LRFN5: variants seen among roughly 807,000 people sequenced by gnomAD.
The protein encoded by LRFN5 is leucine-rich repeat and fibronectin type-III domain-containing protein 5.
LRFN5 carries 24 observed loss-of-function variants against 45.6 expected under a neutral mutation model. That is an observed-to-expected ratio of 0.53 (90% confidence interval 0.38 to 0.74). The LOEUF (loss-of-function observed/expected upper bound fraction) is 0.74. LRFN5 is among the 30% of genes least tolerant of loss of function. The pLI is 0.00. For missense variants in LRFN5, 776 were observed against 861.5 expected (o/e 0.90, Z 1.24); for synonymous variants, 340 against 313.8 (o/e 1.08, Z -0.88).
At chr14:41,674,151 G>T (rs1381393358) in intron 1 of LRFN5, among the ~76,000 whole-genome samples, 2 of 141,822 alleles carry the variant, frequency 1.4e-5, no homozygotes, top group African/African-American at 5.3e-5. Context: ...AGGGGCGGCC[G>T]GGCAGAGGCG....
At chr14:41,624,695 G>T (rs1468920871) in intron 1 of LRFN5, among the ~76,000 whole-genome samples, 2 of 152,060 alleles carry the variant, frequency 1.3e-5, no homozygotes, top group East Asian at 3.9e-4. Context: ...AACCTTAATT[G>T]AAGTGCAGAA....
chr14:41,798,909 A>G (rs1011501571), intron 2 of LRFN5, among the ~76,000 whole-genome samples: 7 of 151,838 alleles, frequency 4.6e-5, no homozygotes, highest in African/African-American at 1.7e-4. Context: ...ATATTAATTT[A>G]TCTCTCTGTA....
intron 2 of LRFN5, among the ~76,000 whole-genome samples, chr14:41,844,292 C>T (rs1203682688): frequency 6.6e-6 from 1 of 151,840 alleles, no homozygotes; most frequent in African/African-American, 2.4e-5. Context: ...AAAAAATTAG[C>T]CAGGCGTGGT....
chr14:41,718,767 A>G (rs899816087), intron 1 of LRFN5, among the ~76,000 whole-genome samples: 3 of 152,214 alleles, frequency 2.0e-5, no homozygotes, highest in Admixed American at 1.3e-4. Context: ...CTTATTAGCC[A>G]TTGGCTCAGA....
At chr14:41,755,890 G>T (rs1223188065) in intron 1 of LRFN5, among the ~76,000 whole-genome samples, 3 of 152,162 alleles carry the variant, frequency 2.0e-5, no homozygotes, top group African/African-American at 4.8e-5. Context: ...GCATGATTTT[G>T]CAGTGGCTGG....
chr14:41,895,084 C>A, intron 4 of LRFN5: 4 of 979,798 alleles, frequency 4.1e-6, no homozygotes, highest in Non-Finnish European at 4.8e-6. Flanking sequence ...TCCTGTTATG[C>A]ATGTATTAAC....
chr14:41,822,295 T>C (rs539274909), intron 2 of LRFN5, among the ~76,000 whole-genome samples: 1 of 152,168 alleles, frequency 6.6e-6, no homozygotes, highest in East Asian at 1.9e-4. Flanking sequence ...TAGGCATTTA[T>C]TACTATAAAC....
At chr14:41,707,169 T>G (rs564396993) in intron 1 of LRFN5, among the ~76,000 whole-genome samples, 2 of 152,344 alleles carry the variant, frequency 1.3e-5, no homozygotes, top group South Asian at 4.1e-4. Flanking sequence ...GAAGAAGGCC[T>G]GCCTTAAATG....
chr14:41,661,210 T>A (rs1428781392), intron 1 of LRFN5, among the ~76,000 whole-genome samples: 1 of 151,896 alleles, frequency 6.6e-6, no homozygotes, highest in Non-Finnish European at 1.5e-5. Flanking sequence ...TATTGAAATA[T>A]TTATTCATGA....
intron 1 of LRFN5, among the ~76,000 whole-genome samples, chr14:41,685,364 G>A (rs1566620507): frequency 2.0e-5 from 3 of 152,058 alleles, no homozygotes; most frequent in South Asian, 2.1e-4. Context: ...TTATTGAAGC[G>A]CTGTTCACAA....
chr14:41,857,887 GAT>G (rs1230639022), intron 2 of LRFN5, among the ~76,000 whole-genome samples: 1 of 152,188 alleles, frequency 6.6e-6, no homozygotes, highest in Non-Finnish European at 1.5e-5. Flanking sequence ...AGAGAAAAGA[GAT>G]AGTTCCATTG....
At chr14:41,612,675 A>G (rs1411917032) in intron 1 of LRFN5, among the ~76,000 whole-genome samples, 3 of 152,056 alleles carry the variant, frequency 2.0e-5, no homozygotes, top group East Asian at 1.9e-4. Flanking sequence ...GCATCCTTCA[A>G]TCATTGAGGA....
At chr14:41,848,928 A>AT (rs140753274) in intron 2 of LRFN5, among the ~76,000 whole-genome samples, 2,093 of 151,988 alleles carry the variant, frequency 0.014, 45 homozygotes, top group African/African-American at 0.047. Context: ...AGTTTTTGAG[A>AT]TTTTTTCAGA....
intron 1 of LRFN5, among the ~76,000 whole-genome samples, chr14:41,624,812 A>G (rs921832443): frequency 6.6e-6 from 1 of 152,168 alleles, no homozygotes; most frequent in Non-Finnish European, 1.5e-5. Context: ...AAGTGTGCAT[A>G]CATGCACGTA....
intron 2 of LRFN5, among the ~76,000 whole-genome samples, chr14:41,775,738 T>C (rs1886266585): frequency 6.6e-6 from 1 of 152,180 alleles, no homozygotes; most frequent in South Asian, 2.1e-4. Context: ...GGGTAAACCT[T>C]TTTATAATGA....
At chr14:41,684,781 A>G (rs1195443322) in intron 1 of LRFN5, among the ~76,000 whole-genome samples, 1 of 152,196 alleles carries the variant, frequency 6.6e-6, no homozygotes, top group Non-Finnish European at 1.5e-5. Flanking sequence ...GCAGGCAACC[A>G]AAGGAAAAAT....
chr14:41,874,036 A>G (rs537068045), intron 2 of LRFN5, among the ~76,000 whole-genome samples: 10 of 152,342 alleles, frequency 6.6e-5, no homozygotes, highest in African/African-American at 1.9e-4. Flanking sequence ...AATTTGTATT[A>G]TAACCTTTTT....
At chr14:41,660,765 G>C (rs927864180) in intron 1 of LRFN5, among the ~76,000 whole-genome samples, 16 of 151,666 alleles carry the variant, frequency 1.1e-4, no homozygotes, top group African/African-American at 3.9e-4. Flanking sequence ...AGAATCTCAA[G>C]TGATTCTGAT....
chr14:41,792,369 G>C (rs1290554025), intron 2 of LRFN5, among the ~76,000 whole-genome samples: 4 of 151,988 alleles, frequency 2.6e-5, no homozygotes, highest in African/African-American at 9.7e-5. Context: ...ACAGGTTCGA[G>C]AGCAGAGAAC....
Sources: allele counts gnomAD v4.1 joint callset (sites outside exome capture counted in the v4.1 genomes callset), GRCh38; gene constraint gnomAD v4.1.1; transcripts MANE v1.5; gene names NCBI Gene and HGNC (gene_info 2026-07-23, HGNC 2026-07-21).